Variants in PNPLA1 observed in about 807,000 individuals in gnomAD.
PNPLA1 encodes the protein patatin like domain 1, omega-hydroxyceramide transacylase.
Under a neutral mutation model 51.7 loss-of-function variants are expected in PNPLA1, and 36 were observed. The ratio of observed to expected loss-of-function variants is 0.70; its 90% confidence interval spans 0.53 to 0.92. The LOEUF is 0.92. Among genes scored for constraint, PNPLA1 ranks in the 40% least tolerant of loss-of-function variants. The pLI, the probability that PNPLA1 is intolerant of heterozygous loss-of-function variation, is 0.00. For synonymous variants in PNPLA1, 293 were observed against 280.1 expected, an observed-to-expected ratio of 1.05 and a Z score of -0.46; for missense variants, 658 against 682.5, an observed-to-expected ratio of 0.96 and a Z score of 0.40.
intron 1 of PNPLA1, among the ~76,000 whole-genome samples, chr6:36,247,237 T>C (rs1288134927): frequency 6.6e-6 from 1 of 152,166 alleles, no homozygotes; most frequent in East Asian, 1.9e-4. Flanking sequence ...ACTACTGACC[T>C]CACCCGCTTT....
chr6:36,257,204 A>T (rs745816631), intron 1 of PNPLA1, among the ~76,000 whole-genome samples: 15 of 152,216 alleles, frequency 9.9e-5, no homozygotes, highest in Non-Finnish European at 2.2e-4. Flanking sequence ...AGGTACTCTC[A>T]GTTTGAAGTC....
At chr6:36,266,525 A>T (rs1769764243), upstream of PNPLA1, among the ~76,000 whole-genome samples, 1 of 152,214 alleles carries the variant, frequency 6.6e-6, no homozygotes. Context: ...CTTTCCAAGA[A>T]GCAATCCAGC....
At chr6:36,257,272 T>C (rs1769552517) in intron 1 of PNPLA1, among the ~76,000 whole-genome samples, 2 of 152,360 alleles carry the variant, frequency 1.3e-5, no homozygotes, top group East Asian at 3.9e-4. Flanking sequence ...TTCTTTCTCA[T>C]GTTAGTAACA....
At position 36,305,768 on chromosome 6, in the gene PNPLA1, C is replaced by CTT. The variant is rs72063246; in HGVS notation, c.1385-503_1385-502dup. ...TTTCCTTATTTTTCTTTACTTTTCT[C>CTT]TTTTTTTTTTTTTTTTTTTTTTGGT... On this transcript the variant is annotated intron_variant, in intron 6 of 8. Coordinates refer to ENST00000636260, the MANE Select transcript of PNPLA1 (RefSeq NM_001374623.1). Among the ~76,000 whole-genome samples the CTT allele has an allele frequency of 4.0e-3, 386 of 96,490 alleles. 1 individual carries two copies. Among genetic ancestry groups the CTT allele is most frequent in the Middle Eastern group, 0.011 (2 of 190 alleles). The allele number at this position is 96,490 out of a possible 152,430, so 63.3% of individuals were successfully genotyped here.
intron 1 of PNPLA1, among the ~76,000 whole-genome samples, chr6:36,281,073 A>T (rs1254211238): frequency 6.6e-6 from 1 of 152,236 alleles, no homozygotes; most frequent in Admixed American, 6.5e-5. Flanking sequence ...GATTGCAGGC[A>T]TGAGCCATGG....
chr6:36,244,000 G>A (rs1200919311), intron 1 of PNPLA1, among the ~76,000 whole-genome samples: 1 of 152,178 alleles, frequency 6.6e-6, no homozygotes, highest in Non-Finnish European at 1.5e-5. Context: ...TGCACAGATT[G>A]AGCCCCAGAG....
Position 36,279,012 on chromosome 6 carries a change from C to A in PNPLA1, c.205+8348C>A, listed in dbSNP as rs969328864. On this transcript the variant is annotated intron_variant, in intron 1 of 8. Coordinates refer to ENST00000636260, the MANE Select transcript of PNPLA1 (RefSeq NM_001374623.1). ...AGTGTTGGGTGGGCTGGCCAGAAGG[C>A]CCCTCTGAGGTGGATGAAGCTAGGG... 7.9e-5 allele frequency among the ~76,000 whole-genome samples: 12 copies of A among 152,154 alleles called. 1 individual carries two copies. Among genetic ancestry groups the A allele is most frequent in the Admixed American group, 1.3e-4 (2 of 15,268 alleles).
intron 1 of PNPLA1, among the ~76,000 whole-genome samples, chr6:36,254,586 A>G (rs56953232): frequency 1.3e-5 from 2 of 152,010 alleles, no homozygotes; most frequent in East Asian, 3.8e-4. Flanking sequence ...AACAAACAAA[A>G]AAAAAAACAA....
intron 5 of PNPLA1, among the ~76,000 whole-genome samples, chr6:36,300,966 T>C (rs1771023100): frequency 1.3e-5 from 2 of 152,220 alleles, no homozygotes. Context: ...GGGTTATTAT[T>C]CAATACTACT....
At chr6:36,274,632 A>G (rs1770036097) in intron 1 of PNPLA1, among the ~76,000 whole-genome samples, 1 of 152,132 alleles carries the variant, frequency 6.6e-6, no homozygotes, top group African/African-American at 2.4e-5. Context: ...AATGACTTTG[A>G]TAAGTTACTC....
At chr6:36,305,608 A>G (rs1443350356) in intron 6 of PNPLA1, among the ~76,000 whole-genome samples, 7 of 152,138 alleles carry the variant, frequency 4.6e-5, no homozygotes, top group Admixed American at 2.0e-4. Flanking sequence ...CCATGAAACT[A>G]TTAATACTCT....
chr6:36,290,147 G>A (rs191044616), intron 1 of PNPLA1, among the ~76,000 whole-genome samples: 15 of 152,222 alleles, frequency 9.9e-5, no homozygotes, highest in South Asian at 2.1e-4. Context: ...ACTCATGACC[G>A]CACAGCTTCC....
chr6:36,285,161 C>T (rs1350193627), intron 1 of PNPLA1, among the ~76,000 whole-genome samples: 4 of 152,234 alleles, frequency 2.6e-5, no homozygotes, highest in Non-Finnish European at 5.9e-5. Flanking sequence ...ACAATTCAGT[C>T]TGCAATTAGG....
At chr6:36,300,265 G>A (rs778049400) in intron 5 of PNPLA1, among the ~76,000 whole-genome samples, 33 of 149,816 alleles carry the variant, frequency 2.2e-4, no homozygotes, top group Non-Finnish European at 4.3e-4. Context: ...TGCAATCTTG[G>A]CTCACTGCAA....
At chr6:36,273,728 C>CAAAAAAAAAAAAAAAAAAA (rs57186870) in intron 1 of PNPLA1, among the ~76,000 whole-genome samples, 25 of 48,224 alleles carry the variant, frequency 5.2e-4, no homozygotes, top group South Asian at 3.0e-3. Flanking sequence ...GACCCCATCG[C>CAAAAAAAAAAAAAAAAAAA]AAAAAAAAAA....
chr6:36,297,820 T>A (rs925737592), intron 5 of PNPLA1, among the ~76,000 whole-genome samples: 3 of 151,364 alleles, frequency 2.0e-5, no homozygotes, highest in Admixed American at 2.0e-4. Context: ...CCTCCCCCAC[T>A]CCCTTCTTCC....
intron 1 of PNPLA1, among the ~76,000 whole-genome samples, chr6:36,261,810 T>C (rs781500891): frequency 6.6e-6 from 1 of 152,206 alleles, no homozygotes; most frequent in Non-Finnish European, 1.5e-5. Context: ...TGTCTTGAAC[T>C]AAGACAGCTG....
chr6:36,291,291 C>T, intron 1 of PNPLA1, 29 bp from the exon 2 acceptor site: 1 of 1,596,858 alleles, frequency 6.3e-7, no homozygotes, highest in East Asian at 2.3e-5. Context: ...GTGGCACCGA[C>T]CACCCCCTCT....
rs765630140 is a variant in PNPLA1, at chr6:36,295,443, C to T, written c.775+19C>T. The T allele has an allele frequency of 3.1e-6, 5 of 1,613,354 alleles. No homozygotes were observed. The highest frequency in any genetic ancestry group is 4.2e-6 in the Non-Finnish European group (5 of 1,179,348). Reference sequence around the variant, plus strand: ...CGGCTGAGTAAGTACCGGTGGGGCCCCAGGTAAGGGCAGTGTTGGAGGGTA... The same window carrying T: ...CGGCTGAGTAAGTACCGGTGGGGCCTCAGGTAAGGGCAGTGTTGGAGGGTA... On this transcript the variant is annotated intron_variant, in intron 5 of 8. Transcript: ENST00000636260.
Sources: allele counts gnomAD v4.1 joint callset (sites outside exome capture counted in the v4.1 genomes callset), GRCh38; gene constraint gnomAD v4.1.1; transcripts MANE v1.5; gene names NCBI Gene and HGNC (gene_info 2026-07-23, HGNC 2026-07-21).